The following GMDS variants were observed in gnomAD, a reference collection of about 807,000 sequenced individuals.
The protein encoded by GMDS is GDP-mannose 4,6 dehydratase.
GMDS carries 20 observed loss-of-function variants against 49.9 expected under a neutral mutation model. That is an observed-to-expected ratio of 0.40 (90% CI 0.28 to 0.58). The LOEUF is 0.58. Among genes scored for constraint, GMDS ranks in the 20% least tolerant of loss-of-function variants. GMDS has a pLI of 0.42. For synonymous variants in GMDS, 177 were observed against 178.6 expected (o/e 0.99, Z 0.07); for missense variants, 362 against 481.4 (o/e 0.75, Z 2.32).
At chr6:2,005,503 A>C (rs541683122) in intron 4 of GMDS, among the ~76,000 whole-genome samples, 31 of 152,302 alleles carry the variant, frequency 2.0e-4, no homozygotes, top group Non-Finnish European at 3.4e-4. Context: ...CTACTTTAAC[A>C]GTTTTCGTTT....
intron 9 of GMDS, among the ~76,000 whole-genome samples, chr6:1,667,839 T>C (rs1322361241): frequency 1.3e-5 from 2 of 152,028 alleles, no homozygotes; most frequent in Non-Finnish European, 2.9e-5. Flanking sequence ...GCCCCACTTA[T>C]CAGTAAATTG....
At chr6:1,876,331 G>A (rs1399581399) in intron 7 of GMDS, among the ~76,000 whole-genome samples, 1 of 152,134 alleles carries the variant, frequency 6.6e-6, no homozygotes, top group Non-Finnish European at 1.5e-5. Flanking sequence ...GGGAGCTGAA[G>A]GTGATGAGAA....
At chr6:1,732,162 C>T (rs979211939) in intron 8 of GMDS, among the ~76,000 whole-genome samples, 2 of 152,094 alleles carry the variant, frequency 1.3e-5, no homozygotes, top group Non-Finnish European at 2.9e-5. Context: ...CCTGTCTCTA[C>T]TAAAAATACA....
chr6:2,100,845 T>A (rs1773883453), intron 4 of GMDS, among the ~76,000 whole-genome samples: 1 of 152,092 alleles, frequency 6.6e-6, no homozygotes, highest in Non-Finnish European at 1.5e-5. Context: ...ATCTTGGCAC[T>A]CTTTTTATAG....
intron 7 of GMDS, among the ~76,000 whole-genome samples, chr6:1,846,487 T>C (rs894324814): frequency 1.3e-5 from 2 of 152,206 alleles, no homozygotes; most frequent in Non-Finnish European, 2.9e-5. Context: ...GAGTGAACCA[T>C]AGTTTATAAA....
At chr6:1,929,719 A>T (rs1284138664) in intron 7 of GMDS, among the ~76,000 whole-genome samples, 1 of 152,198 alleles carries the variant, frequency 6.6e-6, no homozygotes, top group Non-Finnish European at 1.5e-5. Context: ...TGTAAGTCCA[A>T]GAATCTTGAA....
chr6:2,062,574 G>A (rs886735968), intron 4 of GMDS, among the ~76,000 whole-genome samples: 2 of 152,034 alleles, frequency 1.3e-5, no homozygotes, highest in African/African-American at 4.8e-5. Context: ...TACATAAACT[G>A]TATCCAAAAA....
intron 6 of GMDS, among the ~76,000 whole-genome samples, chr6:1,940,283 T>TGA (rs1407980245): frequency 6.6e-6 from 1 of 152,274 alleles, no homozygotes; most frequent in Non-Finnish European, 1.5e-5. Flanking sequence ...CATTGCTCAA[T>TGA]ACTTCATCCA....
intron 4 of GMDS, among the ~76,000 whole-genome samples, chr6:2,065,836 G>A (rs1201668708): frequency 1.3e-5 from 2 of 152,174 alleles, no homozygotes; most frequent in Admixed American, 1.3e-4. Flanking sequence ...AACCAAGTTG[G>A]AAAACACTCT....
chr6:2,110,614 C>A (rs1310114435), intron 4 of GMDS, among the ~76,000 whole-genome samples: 1 of 152,122 alleles, frequency 6.6e-6, no homozygotes, highest in Admixed American at 6.5e-5. Flanking sequence ...CCTGGGGCTT[C>A]CACAGTCAGA....
intron 6 of GMDS, among the ~76,000 whole-genome samples, chr6:1,933,204 A>T (rs1275159002): frequency 1.3e-5 from 2 of 152,226 alleles, no homozygotes; most frequent in Non-Finnish European, 2.9e-5. Flanking sequence ...TGTAGCTTGA[A>T]TCAGTACATT....
At chr6:2,207,532 T>G (rs1462069784) in intron 1 of GMDS, among the ~76,000 whole-genome samples, 1 of 151,978 alleles carries the variant, frequency 6.6e-6, no homozygotes, top group Non-Finnish European at 1.5e-5. Context: ...AACAAACTAC[T>G]GAGCTTATAA....
chr6:2,091,436 T>G (rs1023903930), intron 4 of GMDS, among the ~76,000 whole-genome samples: 1 of 152,208 alleles, frequency 6.6e-6, no homozygotes, highest in Non-Finnish European at 1.5e-5. Context: ...GACTGGACAA[T>G]GGAACAGTTT....
intron 1 of GMDS, among the ~76,000 whole-genome samples, chr6:2,207,306 C>T (rs1483929441): frequency 6.6e-6 from 1 of 151,902 alleles, no homozygotes; most frequent in Non-Finnish European, 1.5e-5. Context: ...GGACATGTCT[C>T]CCAACTCTCA....
intron 7 of GMDS, among the ~76,000 whole-genome samples, chr6:1,823,104 A>C (rs1301258958): frequency 6.6e-6 from 1 of 152,186 alleles, no homozygotes; most frequent in Non-Finnish European, 1.5e-5. Flanking sequence ...TGGTATGGAT[A>C]CTAGAAGTGT....
intron 4 of GMDS, among the ~76,000 whole-genome samples, chr6:2,016,615 T>C (rs953095385): frequency 1.3e-5 from 2 of 152,160 alleles, no homozygotes; most frequent in African/African-American, 4.8e-5. Context: ...ACACTATATC[T>C]AAGAGCAGAT....
intron 7 of GMDS, among the ~76,000 whole-genome samples, chr6:1,879,532 A>C (rs1473123654): frequency 1.3e-5 from 2 of 152,190 alleles, no homozygotes; most frequent in African/African-American, 4.8e-5. Flanking sequence ...CTAAAAACTA[A>C]ATATTTCTTG....
rs58400837 is a variant in GMDS at position 1,683,967 on chromosome 6, G to T, written c.987+42449C>A. On this transcript the variant is annotated intron_variant, in intron 9 of 10. Coordinates refer to ENST00000380815, the MANE Select transcript of GMDS (RefSeq NM_001500.4). ...AGCTATGAGGGTGGGGTTTGCCATC[G>T]GTAGGCCTGGATCCGCCCTCTATCA... is the stretch of plus-strand genomic sequence containing the variant. Among the ~76,000 whole-genome samples the T allele has an allele frequency of 6.2e-3, 397 of 64,170 alleles. 1 individual carries two copies. Among genetic ancestry groups the T allele is most frequent in the South Asian group, 0.011 (26 of 2,278 alleles). 42.1% of individuals were successfully genotyped at this position (64,170 alleles called of 152,430 possible).
chr6:1,782,284 T>C (rs78165755), intron 7 of GMDS, among the ~76,000 whole-genome samples: 18 of 152,350 alleles, frequency 1.2e-4, no homozygotes, highest in African/African-American at 4.3e-4. Flanking sequence ...AGCCTAAACA[T>C]AGGTGTACTG....
Sources: allele counts gnomAD v4.1 joint callset (sites outside exome capture counted in the v4.1 genomes callset), GRCh38; gene constraint gnomAD v4.1.1; transcripts MANE v1.5; gene names NCBI Gene and HGNC (gene_info 2026-07-23, HGNC 2026-07-21).